The following SYT7 variants were observed in gnomAD, a reference collection of about 807,000 sequenced individuals.
The protein encoded by SYT7 is synaptotagmin 7.
A neutral mutation model predicts 75.1 loss-of-function variants in SYT7; 29 were observed. That is an observed-to-expected ratio of 0.39 (90% CI 0.29 to 0.53). The LOEUF (loss-of-function observed/expected upper bound fraction) is 0.53, where lower values mean the gene tolerates loss of function less well. SYT7 is among the 20% of genes least tolerant of loss of function. The pLI is 0.77. For missense variants in SYT7, 693 were observed against 953.2 expected, an observed-to-expected ratio of 0.73 and a Z score of 3.59; for synonymous variants, 376 against 401.7, an observed-to-expected ratio of 0.94 and a Z score of 0.76.
At position 61,580,314 on chromosome 11, in the gene SYT7, C is replaced by T. The variant is rs2064219228; in HGVS notation, c.31+476G>A. On this transcript the variant is annotated intron_variant, in intron 1 of 12. Coordinates refer to ENST00000539008, the MANE Select transcript of SYT7 (RefSeq NM_001365809.2). The surrounding 1 kb of genome is among the most constrained non-coding windows in gnomAD (Gnocchi z 6.1). ...AGATTCCCACTTGCCCCCTGGCACC[C>T]TCTCAATTCACAGTTGGCACTGCGA... Among the ~76,000 whole-genome samples, 1 of 152,112 alleles carries T rather than the reference C, an allele frequency of 6.6e-6. No homozygotes were observed. The highest frequency in any genetic ancestry group is 1.5e-5 in the Non-Finnish European group (1 of 68,002).
intron 2 of SYT7, among the ~76,000 whole-genome samples, chr11:61,555,670 T>C (rs970618899): frequency 6.6e-6 from 1 of 151,770 alleles, no homozygotes; most frequent in Non-Finnish European, 1.5e-5. Flanking sequence ...GCCACGCCCA[T>C]GGAGGGGAGC....
In SYT7 at chr11:61,515,803, C is replaced by G. The variant is rs2062135013; in HGVS notation, c.*2824G>C. On this transcript the variant is annotated 3_prime_UTR_variant, in exon 13 of 13. Coordinates refer to ENST00000539008, the MANE Select transcript of SYT7 (RefSeq NM_001365809.2). ...GCACCCACAAAGATGGCAGACGAAG[C>G]CCATGAAAGGGCCTGCGACAGAGTG... is the stretch of plus-strand genomic sequence containing the variant. The G allele has an allele frequency of 6.5e-6, 1 of 152,704 alleles. No individual in the cohort carries two copies. Among genetic ancestry groups the G allele is most frequent in the African/African-American group, 2.4e-5 (1 of 41,452 alleles). 9.5% of individuals were successfully genotyped at this position (152,704 alleles called of 1,614,324 possible).
intron 7 of SYT7, among the ~76,000 whole-genome samples, chr11:61,535,475 T>C (rs1327893798): frequency 6.6e-6 from 1 of 151,486 alleles, no homozygotes; most frequent in Non-Finnish European, 1.5e-5. Context: ...CATGAGGGGG[T>C]GGACACGAGC....
intron 1 of SYT7, among the ~76,000 whole-genome samples, chr11:61,573,171 C>T (rs983628536): frequency 6.6e-6 from 1 of 152,206 alleles, no homozygotes; most frequent in Non-Finnish European, 1.5e-5. Flanking sequence ...GTGGCCCCTC[C>T]TGGGCCTGGC....
chr11:61,570,076 G>A (rs1216495752), intron 1 of SYT7, among the ~76,000 whole-genome samples: 1 of 152,244 alleles, frequency 6.6e-6, no homozygotes, highest in Non-Finnish European at 1.5e-5. Context: ...GAACTTCTGG[G>A]GCTGTGTCCA....
intron 7 of SYT7, among the ~76,000 whole-genome samples, chr11:61,535,545 C>T (rs1163581206): frequency 1.4e-4 from 22 of 152,202 alleles, no homozygotes; most frequent in Admixed American, 9.2e-4. Context: ...CCCTCCCTCC[C>T]GGGAGCGCAG....
chr11:61,528,430 A>G (rs1051558730), intron 8 of SYT7, among the ~76,000 whole-genome samples: 8 of 152,022 alleles, frequency 5.3e-5, no homozygotes, highest in African/African-American at 1.9e-4. Context: ...CACGACACTC[A>G]CTTCCCAGGC....
chr11:61,565,185 A>G (rs2063736100), intron 1 of SYT7, among the ~76,000 whole-genome samples: 2 of 152,136 alleles, frequency 1.3e-5, no homozygotes, highest in Non-Finnish European at 2.9e-5. Flanking sequence ...TCAAGGTGGG[A>G]AACAGTGAAA....
rs1264269826 is a variant in SYT7, at chr11:61,580,402, G to C, written c.31+388C>G. On this transcript the variant is annotated intron_variant, in intron 1 of 12. Coordinates refer to ENST00000539008, the MANE Select transcript of SYT7 (RefSeq NM_001365809.2). This position sits in a 1 kb window ranked among gnomAD's most constrained non-coding sequence, Gnocchi z 6.1. The stretch of plus-strand genomic sequence containing the variant: ...GAGCTGCCGGGATCCTCGCCCTGGG[G>C]TCCGCCAGCGCTGGCACCCCCGGGG... Among the ~76,000 whole-genome samples the C allele has an allele frequency of 6.6e-6, 1 of 152,054 alleles. No homozygotes were observed. Among genetic ancestry groups the C allele is most frequent in the Non-Finnish European group, 1.5e-5 (1 of 67,982 alleles).
intron 1 of SYT7, among the ~76,000 whole-genome samples, chr11:61,573,750 G>T (rs756397106): frequency 6.6e-6 from 1 of 152,068 alleles, no homozygotes; most frequent in African/African-American, 2.4e-5. Context: ...AAGATCCCTC[G>T]AACCTCTGAG....
chr11:61,547,055 G>C (rs1433550449), intron 4 of SYT7, 122 bp downstream of exon 4: 2 of 1,267,868 alleles, frequency 1.6e-6, no homozygotes, highest in Admixed American at 4.8e-5. Context: ...GGGGAAGTTG[G>C]GGGACAGGAG....
rs1258437013 is a variant in SYT7, at chr11:61,556,151, C to T, written c.88G>A (p.Val30Ile). The change falls in exon 2 of 13, where the codon GTC (valine) becomes ATC (isoleucine). Residue 30 changes from valine (V) to isoleucine (I), a missense_variant. This residue lies in a region of SYT7 where 487 missense variants were observed against 593.2 expected (regional missense o/e 0.82). Coordinates refer to ENST00000539008, the MANE Select transcript of SYT7 (RefSeq NM_001365809.2). ...VSAIITVSLS[V>I]TVVLCGLCHW... The stretch of plus-strand genomic sequence containing the variant: ...CAGAGGCCGCAGAGGACGACAGTGA[C>T]GCTAAGGCTGACGGTGATGATGGCA... 7.4e-6 allele frequency: 12 copies of T among 1,614,034 alleles called. No homozygotes were observed. Among genetic ancestry groups the T allele is most frequent in the South Asian group, 1.1e-5 (1 of 91,060 alleles).
intron 1 of SYT7, among the ~76,000 whole-genome samples, chr11:61,565,740 CT>C (rs902032286): frequency 3.3e-5 from 5 of 152,242 alleles, no homozygotes; most frequent in Admixed American, 6.5e-5. Context: ...ACCCCTTGGG[CT>C]TCACCCAGGG....
intron 12 of SYT7, among the ~76,000 whole-genome samples, chr11:61,519,404 G>A (rs940392487): frequency 6.6e-6 from 1 of 152,234 alleles, no homozygotes; most frequent in South Asian, 2.1e-4. Context: ...GGACTTGGGG[G>A]TGATTAAGAG....
chr11:61,581,019 T>TGCCGCC lies in SYT7; in HGVS notation c.-205_-200dup. 5 of 771,966 alleles carry TGCCGCC rather than the reference T, an allele frequency of 6.5e-6. No individual in the cohort carries two copies. Among genetic ancestry groups the TGCCGCC allele is most frequent in the Non-Finnish European group, 7.8e-6 (5 of 641,792 alleles). 47.8% of individuals were successfully genotyped at this position (771,966 alleles called of 1,614,324 possible). ...CCTCCCGCCCGCCCGCGGAGCACGCTGCCGCCGCCGCCGAACAGCGCCGAG... is the reference window on the plus strand; with the variant it reads ...CCTCCCGCCCGCCCGCGGAGCACGCTGCCGCCGCCGCCGCCGCCGAACAGCGCCGAG... On this transcript the variant is annotated 5_prime_UTR_variant, in exon 1 of 13. Coordinates refer to ENST00000539008, the MANE Select transcript of SYT7 (RefSeq NM_001365809.2).
chr11:61,567,114 A>C (rs1481283801), intron 1 of SYT7, among the ~76,000 whole-genome samples: 2 of 152,198 alleles, frequency 1.3e-5, no homozygotes, highest in African/African-American at 4.8e-5. Flanking sequence ...GGACAGAGAT[A>C]ACTAGTGGGA....
In SYT7 at chr11:61,546,013, T is replaced by A; in HGVS notation, c.572+18A>T. On this transcript the variant is annotated intron_variant, in intron 5 of 12. Coordinates refer to ENST00000539008, the MANE Select transcript of SYT7 (RefSeq NM_001365809.2). The surrounding 1 kb of genome is among the most constrained non-coding windows in gnomAD (Gnocchi z 7.6). ...CCTGAGCTCATGGCTCCGGCAGCCA[T>A]GGGGCGCCATCACTCACTTGGACAA... 6.5e-7 allele frequency: 1 copy of A among 1,530,568 alleles called. No homozygotes were observed. Among genetic ancestry groups the A allele is most frequent in the Non-Finnish European group, 8.7e-7 (1 of 1,143,800 alleles). 94.8% of individuals were successfully genotyped at this position (1,530,568 alleles called of 1,614,324 possible). A position where few individuals can be genotyped will look rare whatever the true frequency, so the allele number is the denominator to read the frequency against.
chr11:61,528,965 C>G (rs2062617379), intron 8 of SYT7, among the ~76,000 whole-genome samples: 1 of 152,186 alleles, frequency 6.6e-6, no homozygotes, highest in South Asian at 2.1e-4. Context: ...GGGTGAGCAT[C>G]TCATCCCGTT....
rs1329071443 is a variant in SYT7 at position 61,546,303 on chromosome 11, C to T, written c.348-48G>A. ...CAGGCCAGAGGGGCACCGGGGGTGG[C>T]GGTGGGGGAGAGAGGGCAGGCCATA... On this transcript the variant is annotated intron_variant, in intron 4 of 12. Coordinates refer to ENST00000539008, the MANE Select transcript of SYT7 (RefSeq NM_001365809.2). The surrounding 1 kb of genome is among the most constrained non-coding windows in gnomAD (Gnocchi z 7.6). The T allele has an allele frequency of 7.5e-6, 10 of 1,325,832 alleles. No homozygotes were observed. The highest frequency in any genetic ancestry group is 3.2e-5 in the South Asian group (2 of 62,382). The allele number at this position is 1,325,832 out of a possible 1,614,324, so 82.1% of individuals were successfully genotyped here. A position where few individuals can be genotyped will look rare whatever the true frequency, so the allele number is the denominator to read the frequency against.
Sources: gnomAD v4.1 joint callset for allele counts (sites outside exome capture counted in the v4.1 genomes callset) on GRCh38, gnomAD v4.1.1 for gene constraint, gnomAD v4.1.1 regional missense constraint, Gnocchi (gnomAD v3.1) non-coding constraint, MANE v1.5 for transcripts, NCBI Gene and HGNC (gene_info 2026-07-23, HGNC 2026-07-21) for gene names.